Variants in ZCWPW2 observed in about 807,000 individuals in gnomAD.
ZCWPW2 encodes zinc finger CW-type PWWP domain protein 2.
In ZCWPW2, 45 loss-of-function variants were observed where a neutral mutation model predicts 46.6. That is an observed-to-expected ratio of 0.96 (90% confidence interval 0.76 to 1.24). The LOEUF is 1.24. Ranked by LOEUF, ZCWPW2 falls within the 50% of genes most tolerant of loss-of-function variation. The probability of loss-of-function intolerance (pLI) is 0.00; values close to 1 mark genes in which losing one functional copy is unlikely to be tolerated. For synonymous variants in ZCWPW2, 152 were observed against 137.1 expected (o/e 1.11, Z -0.76); for missense variants, 429 against 403.9 (o/e 1.06, Z -0.53).
Position 28,413,265 on chromosome 3 carries a change from C to G in ZCWPW2, c.197C>G (p.Ser66Ter). 2 of 1,613,286 alleles carry G rather than the reference C, an allele frequency of 1.2e-6. No individual in the cohort carries two copies. Among genetic ancestry groups the G allele is most frequent in the Non-Finnish European group, 1.7e-6 (2 of 1,179,504 alleles). ...TGGTACTGCTTCATGAACACTGATT[C>G]AAGATATAATAACTGCTCAATTTCT... ...EPWYCFMNTD[S>*]RYNNCSISEE... is the part of the protein sequence containing the mutation. Residue 66 changes from serine (S) to a stop codon, truncating the protein, a stop_gained, in exon 3 of 10, where the codon TCA becomes TGA. Coordinates refer to ENST00000383768, the MANE Select transcript of ZCWPW2 (RefSeq NM_001040432.4). LOFTEE classifies it high-confidence loss of function.
At position 28,359,423 on chromosome 3, in the gene ZCWPW2, T is replaced by A. The variant is rs935993108; in HGVS notation, c.-134+10220T>A. On this transcript the variant is annotated intron_variant, in intron 1 of 9. Transcript: ENST00000383768. Reference sequence around the variant, plus strand: ...CAACGAAGCAGAAGACAACTAGGATTTTCTAGTAGAGCTAACTTACTTGAC... The same window carrying A: ...CAACGAAGCAGAAGACAACTAGGATATTCTAGTAGAGCTAACTTACTTGAC... 2.6e-4 allele frequency among the ~76,000 whole-genome samples: 39 copies of A among 152,076 alleles called. 1 individual carries two copies. Among genetic ancestry groups the A allele is most frequent in the African/African-American group, 9.4e-4 (39 of 41,436 alleles).
chr3:28,497,468 T>TTATCCTTACTATTCTA (rs1700022983), intron 6 of ZCWPW2, among the ~76,000 whole-genome samples: 7 of 152,068 alleles, frequency 4.6e-5, no homozygotes, highest in Admixed American at 6.6e-5. Flanking sequence ...CGGTGTGGTG[T>TTATCCTTACTATTCTA]GGTGCTTCTA....
At chr3:28,395,194 A>G (rs1435202310) in intron 2 of ZCWPW2, among the ~76,000 whole-genome samples, 3 of 152,158 alleles carry the variant, frequency 2.0e-5, no homozygotes, top group Non-Finnish European at 4.4e-5. Flanking sequence ...GGAAATGCAA[A>G]TCAAAACCAC....
chr3:28,460,573 A>G (rs1698591912), intron 4 of ZCWPW2, among the ~76,000 whole-genome samples: 1 of 152,196 alleles, frequency 6.6e-6, no homozygotes, highest in African/African-American at 2.4e-5. Flanking sequence ...AACTAAATCT[A>G]TGGATTCTCT....
At chr3:28,373,435 A>G (rs367549930) in intron 1 of ZCWPW2, among the ~76,000 whole-genome samples, 20 of 149,778 alleles carry the variant, frequency 1.3e-4, no homozygotes, top group Non-Finnish European at 3.0e-4. Context: ...TCATATACCT[A>G]TTGGCCATTT....
intron 3 of ZCWPW2, among the ~76,000 whole-genome samples, chr3:28,433,914 CCA>C (rs1294895315): frequency 1.5e-5 from 2 of 135,286 alleles, no homozygotes; most frequent in South Asian, 2.2e-4. Context: ...CAATTCCACC[CCA>C]GTTTTTTTTT....
chr3:28,358,961 A>G (rs553072597), intron 1 of ZCWPW2, among the ~76,000 whole-genome samples: 2 of 152,270 alleles, frequency 1.3e-5, no homozygotes, highest in South Asian at 4.1e-4. Context: ...GCTGTGCTAG[A>G]TAACAAGTTT....
At chr3:28,448,063 C>A in intron 4 of ZCWPW2, 5 of 287,716 alleles carry the variant, frequency 1.7e-5, no homozygotes, top group Non-Finnish European at 3.4e-5. Flanking sequence ...AACACAGAGT[C>A]AGAAAGCTAA....
intron 5 of ZCWPW2, among the ~76,000 whole-genome samples, chr3:28,484,195 G>A (rs1264550979): frequency 1.3e-5 from 2 of 151,194 alleles, no homozygotes; most frequent in Non-Finnish European, 2.9e-5. Context: ...ACGCTTTTCT[G>A]TGATCTGCTT....
intron 6 of ZCWPW2, among the ~76,000 whole-genome samples, chr3:28,506,789 A>C (rs748135156): frequency 2.0e-5 from 3 of 152,058 alleles, no homozygotes; most frequent in Non-Finnish European, 2.9e-5. Flanking sequence ...CTCCTACTAT[A>C]CCAGAATGCT....
intron 1 of ZCWPW2, among the ~76,000 whole-genome samples, chr3:28,363,268 A>G (rs1255181168): frequency 2.6e-5 from 4 of 152,098 alleles, no homozygotes; most frequent in African/African-American, 9.7e-5. Flanking sequence ...AATATACAAA[A>G]CTTTATTTAA....
chr3:28,413,731 T>G (rs762905341), intron 3 of ZCWPW2, among the ~76,000 whole-genome samples: 1 of 152,090 alleles, frequency 6.6e-6, no homozygotes, highest in South Asian at 2.1e-4. Context: ...GATTTCCTTT[T>G]TGAAATCCGT....
At chr3:28,353,381 T>C (rs1704624584) in intron 1 of ZCWPW2, among the ~76,000 whole-genome samples, 1 of 152,156 alleles carries the variant, frequency 6.6e-6, no homozygotes, top group African/African-American at 2.4e-5. Context: ...CACTAAAATA[T>C]ATTATGTTGG....
At chr3:28,367,405 C>T (rs1294116479) in intron 1 of ZCWPW2, among the ~76,000 whole-genome samples, 2 of 152,132 alleles carry the variant, frequency 1.3e-5, no homozygotes, top group African/African-American at 4.8e-5. Flanking sequence ...GTTATGTACC[C>T]AGTAGTCATT....
At chr3:28,400,018 G>T (rs1345794775) in intron 2 of ZCWPW2, among the ~76,000 whole-genome samples, 4 of 151,478 alleles carry the variant, frequency 2.6e-5, no homozygotes, top group African/African-American at 9.7e-5. Context: ...TCAATGTAAG[G>T]AAATAAAAAA....
Position 28,440,027 on chromosome 3 carries a change from G to A in ZCWPW2, c.492+4758G>A, listed in dbSNP as rs181410289. On this transcript the variant is annotated intron_variant, in intron 4 of 9. Transcript: ENST00000383768. ...TGACCAAAACCTTCATTCCTGAGGG[G>A]TCTGGGCTATTTGTAGTCCTGCCTG... Among the ~76,000 whole-genome samples, 15 of 152,222 alleles carry A rather than the reference G, an allele frequency of 9.9e-5. 1 individual carries two copies. Among genetic ancestry groups the A allele is most frequent in the African/African-American group, 3.6e-4 (15 of 41,526 alleles).
At chr3:28,506,321 AAC>A (rs1376050601) in intron 6 of ZCWPW2, among the ~76,000 whole-genome samples, 1 of 151,978 alleles carries the variant, frequency 6.6e-6, no homozygotes, top group Non-Finnish European at 1.5e-5. Flanking sequence ...AGCTTATTTA[AAC>A]ACAGATTCCT....
intron 2 of ZCWPW2, among the ~76,000 whole-genome samples, chr3:28,400,829 CA>C (rs1695892597): frequency 6.6e-6 from 1 of 152,160 alleles, no homozygotes; most frequent in African/African-American, 2.4e-5. Flanking sequence ...CACATCAAAA[CA>C]AAACCTCTTT....
intron 4 of ZCWPW2, among the ~76,000 whole-genome samples, chr3:28,475,317 T>C (rs981246428): frequency 6.6e-6 from 1 of 152,176 alleles, no homozygotes; most frequent in Non-Finnish European, 1.5e-5. Flanking sequence ...CATCAAATTA[T>C]GTCCAGAATC....
Sources: gnomAD v4.1 joint callset for allele counts (sites outside exome capture counted in the v4.1 genomes callset) on GRCh38, gnomAD v4.1.1 for gene constraint, MANE v1.5 for transcripts, NCBI Gene and HGNC (gene_info 2026-07-23, HGNC 2026-07-21) for gene names.